PITPNC1: variants seen among roughly 807,000 people sequenced by gnomAD.
PITPNC1 encodes the protein cytoplasmic phosphatidylinositol transfer protein 1.
A neutral mutation model predicts 44.7 loss-of-function variants in PITPNC1; 18 were observed. The ratio of observed to expected loss-of-function variants is 0.40; its 90% CI spans 0.28 to 0.60. The LOEUF (loss-of-function observed/expected upper bound fraction) is 0.60. Among genes scored for constraint, PITPNC1 ranks in the 20% least tolerant of loss-of-function variants. The probability of loss-of-function intolerance (pLI) is 0.39; values close to 1 mark genes in which losing one functional copy is unlikely to be tolerated. For synonymous variants in PITPNC1, 141 were observed against 149.6 expected (o/e 0.94, Z 0.42); for missense variants, 290 against 418.4 (o/e 0.69, Z 2.68).
At chr17:67,581,197 G>C (rs2041228596) in intron 5 of PITPNC1, among the ~76,000 whole-genome samples, 1 of 152,122 alleles carries the variant, frequency 6.6e-6, no homozygotes, top group Admixed American at 6.5e-5. Flanking sequence ...TTTTTTGGCA[G>C]GTGCTCAGGT....
At chr17:67,417,010 C>G (rs574545208) in intron 1 of PITPNC1, among the ~76,000 whole-genome samples, 2 of 151,920 alleles carry the variant, frequency 1.3e-5, no homozygotes, top group African/African-American at 4.8e-5. Context: ...CGGGGTTTCT[C>G]CATGTTGATC....
intron 1 of PITPNC1, among the ~76,000 whole-genome samples, chr17:67,400,429 C>T (rs1258875447): frequency 1.3e-5 from 2 of 152,204 alleles, no homozygotes; most frequent in Non-Finnish European, 2.9e-5. Flanking sequence ...TTTGGGAAGT[C>T]ATTTGCAAAA....
rs1380540532 is a variant in PITPNC1 at position 67,631,673 on chromosome 17, A to ATATATATATATATATATATATAT, written c.367-470_367-469insTATATATATATATATATATATAT. 5.0e-4 allele frequency among the ~76,000 whole-genome samples: 26 copies of ATATATATATATATATATATATAT among 52,474 alleles called. 1 individual carries two copies. The highest frequency in any genetic ancestry group is 9.2e-4 in the Admixed American group (4 of 4,346). 34.4% of individuals were successfully genotyped at this position (52,474 alleles called of 152,430 possible). A position where few individuals can be genotyped will look rare whatever the true frequency, so the allele number is the denominator to read the frequency against. ...AAAAAAAAAAATATATATATATATA[A>ATATATATATATATATATATATAT]AATATATATTTTTAACATATATATA... On this transcript the variant is annotated intron_variant, in intron 5 of 8. Transcript: ENST00000581322.
At chr17:67,482,576 C>G (rs1159494287) in intron 1 of PITPNC1, among the ~76,000 whole-genome samples, 1 of 152,148 alleles carries the variant, frequency 6.6e-6, no homozygotes, top group Non-Finnish European at 1.5e-5. Context: ...CTTTAACCTA[C>G]CCTGAATGTA....
intron 6 of PITPNC1, among the ~76,000 whole-genome samples, chr17:67,653,376 C>T (rs2042229975): frequency 6.6e-6 from 1 of 152,194 alleles, no homozygotes; most frequent in Non-Finnish European, 1.5e-5. Context: ...TCCAGTGATG[C>T]TTCTACATGC....
intron 1 of PITPNC1, among the ~76,000 whole-genome samples, chr17:67,479,933 C>A (rs2039680955): frequency 6.6e-6 from 1 of 152,162 alleles, no homozygotes; most frequent in Non-Finnish European, 1.5e-5. Flanking sequence ...GTTGTACAAG[C>A]AACAGATGTC....
intron 2 of PITPNC1, among the ~76,000 whole-genome samples, chr17:67,550,887 C>T (rs2040752379): frequency 6.6e-6 from 1 of 152,092 alleles, no homozygotes; most frequent in South Asian, 2.1e-4. Context: ...CGGTGAAACC[C>T]CGTCTCTACT....
At chr17:67,596,766 C>T (rs1368895648) in intron 5 of PITPNC1, among the ~76,000 whole-genome samples, 1 of 152,154 alleles carries the variant, frequency 6.6e-6, no homozygotes, top group Non-Finnish European at 1.5e-5. Flanking sequence ...GATTTCAAGA[C>T]TGATTGTTCC....
intron 2 of PITPNC1, among the ~76,000 whole-genome samples, chr17:67,545,096 G>T (rs573441533): frequency 6.6e-6 from 1 of 152,080 alleles, no homozygotes; most frequent in South Asian, 2.1e-4. Flanking sequence ...AGGATCCCTT[G>T]AGGCCAGGAG....
intron 1 of PITPNC1, among the ~76,000 whole-genome samples, chr17:67,381,587 C>G: frequency 6.6e-6 from 1 of 151,740 alleles, no homozygotes; most frequent in South Asian, 2.1e-4. Flanking sequence ...CTGCCTCAGC[C>G]TCCCGAGTAG....
At chr17:67,663,754 C>T (rs370730692) in intron 6 of PITPNC1, among the ~76,000 whole-genome samples, 5 of 151,932 alleles carry the variant, frequency 3.3e-5, no homozygotes, top group Admixed American at 2.6e-4. Flanking sequence ...TTCTAGGATG[C>T]GGGTGGTAAC....
intron 1 of PITPNC1, among the ~76,000 whole-genome samples, chr17:67,472,644 C>G (rs958164017): frequency 1.4e-4 from 20 of 138,442 alleles, no homozygotes; most frequent in African/African-American, 5.1e-4. Flanking sequence ...GAAACTCTGT[C>G]TCAAAAGAAA....
At chr17:67,500,478 G>C (rs1220675141) in intron 1 of PITPNC1, among the ~76,000 whole-genome samples, 1 of 152,086 alleles carries the variant, frequency 6.6e-6, no homozygotes, top group Non-Finnish European at 1.5e-5. Flanking sequence ...ATTGCCAGGG[G>C]CCTCGAGGAA....
intron 6 of PITPNC1, among the ~76,000 whole-genome samples, chr17:67,640,650 C>T (rs1285700995): frequency 7.5e-6 from 1 of 133,322 alleles, no homozygotes; most frequent in Admixed American, 8.7e-5. Context: ...CACTGTACTC[C>T]AGCCTGGGTG....
intron 1 of PITPNC1, among the ~76,000 whole-genome samples, chr17:67,442,203 GCATA>G (rs2039021369): frequency 2.6e-5 from 1 of 37,774 alleles, no homozygotes; most frequent in African/African-American, 7.8e-5. Context: ...GGGAAAATAA[GCATA>G]TATATATATA....
At chr17:67,626,076 T>C (rs79236018) in intron 5 of PITPNC1, among the ~76,000 whole-genome samples, 36,469 of 151,366 alleles carry the variant, frequency 0.24, 4,661 homozygotes, top group East Asian at 0.47. Context: ...AACCTCTGCC[T>C]CTCGGCTCAA....
At chr17:67,516,151 A>C (rs1292288893) in intron 1 of PITPNC1, among the ~76,000 whole-genome samples, 1 of 152,140 alleles carries the variant, frequency 6.6e-6, no homozygotes, top group Non-Finnish European at 1.5e-5. Context: ...GGTAAAAAAG[A>C]ACTCTTCTTA....
At chr17:67,631,673 A>ATATATATATATATATATATATATATATAT (rs1380540532) in intron 5 of PITPNC1, among the ~76,000 whole-genome samples, 1 of 52,506 alleles carries the variant, frequency 1.9e-5, no homozygotes, top group Non-Finnish European at 4.2e-5. Context: ...TATATATATA[A>ATATATATATATATATATATATATATATAT]AATATATATT....
At chr17:67,489,972 A>G (rs1390945509) in intron 1 of PITPNC1, among the ~76,000 whole-genome samples, 4 of 152,050 alleles carry the variant, frequency 2.6e-5, no homozygotes, top group African/African-American at 9.7e-5. Context: ...TCGAACCTCA[A>G]GTGATCCATC....
Sources: gnomAD v4.1 joint callset for allele counts (sites outside exome capture counted in the v4.1 genomes callset) on GRCh38, gnomAD v4.1.1 for gene constraint, MANE v1.5 for transcripts, NCBI Gene and HGNC (gene_info 2026-07-23, HGNC 2026-07-21) for gene names.